Variants in NCAPD3 observed in about 807,000 individuals in gnomAD.
NCAPD3 encodes the protein condensin-2 complex subunit D3.
In NCAPD3, 105 loss-of-function variants were observed where a neutral mutation model predicts 182.9. The observed-to-expected ratio is 0.57, with a 90% CI of 0.49 to 0.68. The LOEUF (loss-of-function observed/expected upper bound fraction) is 0.68. NCAPD3 is among the 30% of genes least tolerant of loss of function. NCAPD3 has a pLI of 0.00. For synonymous variants in NCAPD3, 815 were observed against 679.9 expected, an observed-to-expected ratio of 1.20 and a Z score of -3.09; for missense variants, 1,944 against 1,837.0, an observed-to-expected ratio of 1.06 and a Z score of -1.07.
chr11:134,193,412 G>C (rs1320181245), intron 15 of NCAPD3, among the ~76,000 whole-genome samples: 1 of 152,174 alleles, frequency 6.6e-6, no homozygotes, highest in African/African-American at 2.4e-5. Context: ...TAGGCCTCTA[G>C]CTTAACCAAA....
intron 1 of NCAPD3, among the ~76,000 whole-genome samples, chr11:134,221,971 A>T (rs1938248320): frequency 6.6e-6 from 1 of 152,226 alleles, no homozygotes; most frequent in Admixed American, 6.5e-5. Context: ...TAATGTTTTA[A>T]AGGTCATTAT....
intron 24 of NCAPD3, among the ~76,000 whole-genome samples, chr11:134,175,376 A>G (rs1013278086): frequency 4.6e-5 from 7 of 152,252 alleles, no homozygotes; most frequent in Admixed American, 4.6e-4. Flanking sequence ...AGCTATCTAA[A>G]AAAAGGTGAC....
Position 134,185,428 on chromosome 11 carries a change from G to A in NCAPD3, c.2144C>T (p.Ser715Leu), listed in dbSNP as rs144677005. Residue 715 changes from serine to leucine, a missense_variant, in exon 17 of 35, where the codon TCG becomes TTG. By Grantham distance (145) the Ser-to-Leu change is moderately radical (BLOSUM62 -2). Around this residue, in one of 3 missense-constraint regions of NCAPD3, gnomAD observed 1,803 missense variants for 1,674.6 expected, o/e 1.08. Transcript: ENST00000534548. ...GGAGAGCAGCATCCAGGCAGGTGCC[G>A]AATGTTCCGTGCCAGTGTGAGATAT... ...NVISHTGTEH[S>L]APAWMLLSKI... 5.6e-5 allele frequency: 90 copies of A among 1,614,056 alleles called. No homozygotes were observed. The African/African-American group carries it at 1.1e-3, about 19-fold the overall frequency.
chr11:134,223,731 G>T, intron 1 of NCAPD3, 132 bp downstream of exon 1: 1 of 1,092,070 alleles, frequency 9.2e-7, no homozygotes, highest in African/African-American at 1.6e-5. Context: ...CGGCCCTGGG[G>T]ACCCCAGGCA....
chr11:134,164,289 A>T (rs535275931), intron 27 of NCAPD3, among the ~76,000 whole-genome samples: 2 of 152,212 alleles, frequency 1.3e-5, no homozygotes, highest in Non-Finnish European at 2.9e-5. Flanking sequence ...TGGGAGAAAG[A>T]GGAGATGAAG....
chr11:134,202,714 T>C (rs1379886113), intron 13 of NCAPD3, 102 bp downstream of exon 13: 2 of 882,762 alleles, frequency 2.3e-6, no homozygotes, highest in African/African-American at 3.6e-5. Context: ...TAGGGGTGAA[T>C]AAATCAGAAA....
At chr11:134,180,402 A>G (rs1944270361) in intron 20 of NCAPD3, among the ~76,000 whole-genome samples, 1 of 152,166 alleles carries the variant, frequency 6.6e-6, no homozygotes, top group African/African-American at 2.4e-5. Context: ...ATGGCATCAA[A>G]AAGCAGCTCA....
At chr11:134,186,872 T>C (rs778118310) in intron 16 of NCAPD3, among the ~76,000 whole-genome samples, 7 of 152,226 alleles carry the variant, frequency 4.6e-5, no homozygotes, top group Non-Finnish European at 5.9e-5. Context: ...CAAGTCTTAC[T>C]ACAGTTAGCT....
chr11:134,150,161 A>T lies in NCAPD3; in HGVS notation c.*2783T>A, dbSNP rs1445832913. ...ATGTTCCTTTTCTCACACAAGTTTT[A>T]GCCTTTTTCACAAGGGAACTCATAC... On this transcript the variant is annotated 3_prime_UTR_variant, in exon 35 of 35. Transcript: ENST00000534548. 2 of 153,580 alleles carry T rather than the reference A, an allele frequency of 1.3e-5. No individual in the cohort carries two copies. Among genetic ancestry groups the T allele is most frequent in the Admixed American group, 1.3e-4 (2 of 15,414 alleles). The allele number at this position is 153,580 out of a possible 1,614,324, so 9.5% of individuals were successfully genotyped here.
Position 134,210,408 on chromosome 11 carries a change from G to A in NCAPD3, c.429C>T (p.Cys143=). ...QVFHPVMFDK[C]IQTLKKSWPQ... Reference sequence around the variant, plus strand: ...GCCAGCTCTTCTTTAGAGTCTGAATGCATTTGTCAAACATCACTGGGTGGA... The same window carrying A: ...GCCAGCTCTTCTTTAGAGTCTGAATACATTTGTCAAACATCACTGGGTGGA... The change falls in exon 4 of 35, where the codon TGC becomes TGT. Residue 143 remains cysteine, a synonymous_variant. Coordinates refer to ENST00000534548, the MANE Select transcript of NCAPD3 (RefSeq NM_015261.3). 6.2e-7 allele frequency: 1 copy of A among 1,614,114 alleles called. No homozygotes were observed. The highest frequency in any genetic ancestry group is 8.5e-7 in the Non-Finnish European group (1 of 1,179,992).
chr11:134,163,197 T>C (rs1177218822), intron 27 of NCAPD3, among the ~76,000 whole-genome samples: 1 of 152,170 alleles, frequency 6.6e-6, no homozygotes, highest in Non-Finnish European at 1.5e-5. Context: ...AGCATAGTTT[T>C]TAAAGATTTC....
At chr11:134,161,941 C>CAA (rs3214800) in intron 27 of NCAPD3, 50 bp from the exon 28 acceptor site, 346,832 of 973,490 alleles carry the variant, frequency 0.36, 68,611 homozygotes, top group African/African-American at 0.76. Flanking sequence ...TTCTGAAAGA[C>CAA]AGGCCTCTCC....
chr11:134,211,463 C>T (rs1459389039), intron 3 of NCAPD3, among the ~76,000 whole-genome samples: 1 of 151,864 alleles, frequency 6.6e-6, no homozygotes, highest in East Asian at 1.9e-4. Context: ...GTCTGAGCAA[C>T]ACAGCAAAAC....
At chr11:134,170,865 A>G (rs1403942276) in intron 24 of NCAPD3, among the ~76,000 whole-genome samples, 1 of 152,276 alleles carries the variant, frequency 6.6e-6, no homozygotes, top group African/African-American at 2.4e-5. Context: ...TGATATCCAC[A>G]ACTCATCTTG....
intron 23 of NCAPD3, 82 bp downstream of exon 23, chr11:134,177,137 A>T: frequency 9.1e-7 from 1 of 1,100,336 alleles, no homozygotes; most frequent in Non-Finnish European, 1.4e-6. Context: ...CAAAGCAAGC[A>T]CATTTCCTAT....
At chr11:134,157,857 T>G in intron 31 of NCAPD3, 71 bp downstream of exon 31, 1 of 1,471,978 alleles carries the variant, frequency 6.8e-7, no homozygotes, top group Middle Eastern at 1.8e-4. Flanking sequence ...TTGAAAGGAA[T>G]AAGAAGTAGC....
rs1943235071 is a variant in NCAPD3, at chr11:134,151,533, AAGT to A, written c.*1408_*1410del. 6.6e-6 allele frequency: 1 copy of A among 152,216 alleles called. No homozygotes were observed. Among genetic ancestry groups the A allele is most frequent in the Non-Finnish European group, 1.5e-5 (1 of 68,048 alleles). The allele number at this position is 152,216 out of a possible 1,614,324, so 9.4% of individuals were successfully genotyped here. ...GGTCTGAAAAAGTAGAGAGAAGTGAAAGTAGAGTCTGGGAAGTAGCTGCCTATA... is the reference window on the plus strand; with the variant it reads ...GGTCTGAAAAAGTAGAGAGAAGTGAAAGAGTCTGGGAAGTAGCTGCCTATA... On this transcript the variant is annotated 3_prime_UTR_variant, in exon 35 of 35. Coordinates refer to ENST00000534548, the MANE Select transcript of NCAPD3 (RefSeq NM_015261.3).
chr11:134,193,590 T>C (rs576690240), intron 15 of NCAPD3, among the ~76,000 whole-genome samples: 3 of 152,100 alleles, frequency 2.0e-5, no homozygotes, highest in South Asian at 2.1e-4. Flanking sequence ...CTGTCTCTAC[T>C]AAAAATACAA....
At position 134,192,902 on chromosome 11, in the gene NCAPD3, G is replaced by C. The variant is rs373886995; in HGVS notation, c.1832C>G (p.Pro611Arg). Residue 611 changes from proline to arginine, a missense_variant, in exon 16 of 35, where the codon CCT (proline) becomes CGT (arginine). Around this residue, in one of 3 missense-constraint regions of NCAPD3, gnomAD observed 1,803 missense variants for 1,674.6 expected, o/e 1.08. Coordinates refer to ENST00000534548, the MANE Select transcript of NCAPD3 (RefSeq NM_015261.3). ...QSLTELLMAQ[P>R]RCVQIQKAWL... ...GGCTTTCTGGATCTGCACGCATCTA[G>C]GCTGAGCCTTAGGAGTGAAAGATTA... is the stretch of plus-strand genomic sequence containing the variant. 4.6e-5 allele frequency: 73 copies of C among 1,600,708 alleles called. No homozygotes were observed. Among genetic ancestry groups the C allele is most frequent in the Non-Finnish European group, 6.2e-5 (72 of 1,167,924 alleles).
Sources: gnomAD v4.1 joint callset for allele counts (sites outside exome capture counted in the v4.1 genomes callset) on GRCh38, gnomAD v4.1.1 for gene constraint, gnomAD v4.1.1 regional missense constraint, MANE v1.5 for transcripts, NCBI Gene and HGNC (gene_info 2026-07-23, HGNC 2026-07-21) for gene names.